The following TMEM132C variants were observed in gnomAD, a reference collection of about 807,000 sequenced individuals.
The protein encoded by TMEM132C is transmembrane protein 132C, also known as protein phosphatase 1, regulatory subunit 152.
TMEM132C carries 29 observed loss-of-function variants against 61.4 expected under a neutral mutation model. That is an observed-to-expected ratio of 0.47 (90% CI 0.35 to 0.64). The LOEUF is 0.64. Among genes scored for constraint, TMEM132C ranks in the 30% least tolerant of loss-of-function variants. TMEM132C has a pLI of 0.00. For missense variants in TMEM132C, 1,408 were observed against 1,476.9 expected, an observed-to-expected ratio of 0.95 and a Z score of 0.76; for synonymous variants, 656 against 633.1, an observed-to-expected ratio of 1.04 and a Z score of -0.54.
intron 4 of TMEM132C, among the ~76,000 whole-genome samples, chr12:128,663,228 C>T (rs896921698): frequency 6.6e-6 from 1 of 152,220 alleles, no homozygotes; most frequent in African/African-American, 2.4e-5. Context: ...AGACGTCGTA[C>T]CCATTACCAG....
At chr12:128,583,702 C>G (rs189437103) in intron 3 of TMEM132C, among the ~76,000 whole-genome samples, 2 of 152,188 alleles carry the variant, frequency 1.3e-5, no homozygotes, top group Non-Finnish European at 2.9e-5. Flanking sequence ...TGAGTATTCC[C>G]GAGCACCCCC....
chr12:128,307,531 G>T (rs909262174), intron 1 of TMEM132C, among the ~76,000 whole-genome samples: 8 of 152,070 alleles, frequency 5.3e-5, no homozygotes, highest in Non-Finnish European at 1.0e-4. Flanking sequence ...TCTATCAGGT[G>T]ACATGAAAAT....
At chr12:128,627,340 T>C (rs1178482139) in intron 4 of TMEM132C, among the ~76,000 whole-genome samples, 1 of 152,218 alleles carries the variant, frequency 6.6e-6, no homozygotes, top group African/African-American at 2.4e-5. Flanking sequence ...ATTTCATCTC[T>C]CTCTCATTTT....
intron 3 of TMEM132C, among the ~76,000 whole-genome samples, chr12:128,586,976 C>T (rs1404083888): frequency 6.6e-6 from 1 of 152,224 alleles, no homozygotes; most frequent in Non-Finnish European, 1.5e-5. Flanking sequence ...TCAGTGACTG[C>T]TCTTCCGTTT....
At chr12:128,446,010 T>C (rs1425597767) in intron 2 of TMEM132C, among the ~76,000 whole-genome samples, 1 of 152,216 alleles carries the variant, frequency 6.6e-6, no homozygotes, top group Non-Finnish European at 1.5e-5. Context: ...TTTTCCTTTA[T>C]GTCCTTTTCC....
At position 128,706,207 on chromosome 12, in the gene TMEM132C, AG is replaced by A; in HGVS notation, c.3241del (p.Asp1081ThrfsTer32). 13 of 1,551,798 alleles carry A rather than the reference AG, an allele frequency of 8.4e-6. No homozygotes were observed. The highest frequency in any genetic ancestry group is 1.1e-5 in the Non-Finnish European group (13 of 1,147,028). On this transcript the variant is annotated frameshift_variant, in exon 9 of 9. Transcript: ENST00000435159. LOFTEE classifies it low-confidence loss of function (END_TRUNC). Reference protein sequence around the residue: ...TVNSIVSSNDEDIKWVCQDVA... With the variant: ...TVNSIVSSNDXDIKWVCQDVA... ...AACTCCATCGTCAGCAGCAATGATG[AG>A]GACATCAAATGGGTGTGTCAAGACG...
intron 3 of TMEM132C, among the ~76,000 whole-genome samples, chr12:128,580,081 G>T (rs1263300727): frequency 6.6e-6 from 1 of 152,130 alleles, no homozygotes; most frequent in African/African-American, 2.4e-5. Flanking sequence ...TGGGGGACCT[G>T]GGTCAGACAA....
chr12:128,281,075 T>C (rs1016424911), intron 1 of TMEM132C, among the ~76,000 whole-genome samples: 3 of 152,208 alleles, frequency 2.0e-5, no homozygotes, highest in Admixed American at 6.5e-5. Flanking sequence ...AAGTAGTATC[T>C]CTTTCCTCCT....
chr12:128,483,911 C>T (rs1427374434), intron 2 of TMEM132C, among the ~76,000 whole-genome samples: 1 of 152,170 alleles, frequency 6.6e-6, no homozygotes, highest in Non-Finnish European at 1.5e-5. Context: ...AAGCTCATCG[C>T]TTCCCAGTGA....
At chr12:128,656,402 G>A (rs191352695) in intron 4 of TMEM132C, among the ~76,000 whole-genome samples, 7 of 152,276 alleles carry the variant, frequency 4.6e-5, no homozygotes, top group Admixed American at 3.9e-4. Flanking sequence ...GGTGACTGCT[G>A]GTGTTCCAGC....
intron 2 of TMEM132C, among the ~76,000 whole-genome samples, chr12:128,424,517 C>G (rs558321703): frequency 1.3e-5 from 2 of 151,010 alleles, no homozygotes; most frequent in Non-Finnish European, 2.9e-5. Flanking sequence ...TATGCAATGC[C>G]TAAAATAGGC....
At position 128,392,064 on chromosome 12, in the gene TMEM132C, T is replaced by C. The variant is rs61939978; in HGVS notation, c.86-22668T>C. Among the ~76,000 whole-genome samples, 818 of 130,526 alleles carry C rather than the reference T, an allele frequency of 6.3e-3. 21 individuals carry two copies. The highest frequency in any genetic ancestry group is 0.025 in the African/African-American group (770 of 30,594). The allele number at this position is 130,526 out of a possible 152,430, so 85.6% of individuals were successfully genotyped here. On this transcript the variant is annotated intron_variant, in intron 1 of 8. Coordinates refer to ENST00000435159, the MANE Select transcript of TMEM132C (RefSeq NM_001136103.3). ...TCTCTCTGTCTCTGTCTCTCTCTCT[T>C]TCTCTCTCTCTCTCTCTCTCTCTCT...
chr12:128,358,157 C>G (rs1166483093), intron 1 of TMEM132C, among the ~76,000 whole-genome samples: 1 of 152,096 alleles, frequency 6.6e-6, no homozygotes, highest in Non-Finnish European at 1.5e-5. Flanking sequence ...ACAGTCTCCA[C>G]TTTCTGGAAG....
chr12:128,627,577 A>T (rs1192200781), intron 4 of TMEM132C, among the ~76,000 whole-genome samples: 7 of 152,166 alleles, frequency 4.6e-5, no homozygotes, highest in Non-Finnish European at 1.0e-4. Context: ...CTAGGGAAAC[A>T]GCAACGAGCA....
At chr12:128,686,994 T>C (rs1474881461) in intron 5 of TMEM132C, among the ~76,000 whole-genome samples, 1 of 151,826 alleles carries the variant, frequency 6.6e-6, no homozygotes, top group African/African-American at 2.4e-5. Flanking sequence ...GCCAAGGGTT[T>C]GAGACCAGCC....
intron 2 of TMEM132C, among the ~76,000 whole-genome samples, chr12:128,461,014 G>GT (rs1363252296): frequency 6.6e-6 from 1 of 152,108 alleles, no homozygotes; most frequent in African/African-American, 2.4e-5. Context: ...TCTTTGTGTT[G>GT]TTTTTTAAAA....
chr12:128,391,956 C>G (rs1291818822), intron 1 of TMEM132C, among the ~76,000 whole-genome samples: 2 of 152,108 alleles, frequency 1.3e-5, no homozygotes, highest in African/African-American at 2.4e-5. Flanking sequence ...TCAATTTTGC[C>G]TCTTGTCATA....
chr12:128,365,270 G>A (rs1873827647), intron 1 of TMEM132C, among the ~76,000 whole-genome samples: 1 of 152,200 alleles, frequency 6.6e-6, no homozygotes, highest in Non-Finnish European at 1.5e-5. Flanking sequence ...AAGTGCTCAT[G>A]ATGTAGAATT....
intron 1 of TMEM132C, among the ~76,000 whole-genome samples, chr12:128,340,940 CTCTCTTTCTT>C (rs1232323881): frequency 3.2e-5 from 4 of 125,596 alleles, no homozygotes; most frequent in Non-Finnish European, 4.8e-5. Context: ...CTCTCTCTCT[CTCTCTTTCTT>C]TCTTTCTTTC....
Sources: allele counts gnomAD v4.1 joint callset (sites outside exome capture counted in the v4.1 genomes callset), GRCh38; gene constraint gnomAD v4.1.1; transcripts MANE v1.5; gene names NCBI Gene and HGNC (gene_info 2026-07-23, HGNC 2026-07-21).